OR2L13: variants seen among roughly 807,000 people sequenced by gnomAD.
The protein encoded by OR2L13 is olfactory receptor family 2 subfamily L member 13, also known as olfactory receptor 2L13.
OR2L13 carries 14 observed loss-of-function variants against 15.3 expected under a neutral mutation model. The observed-to-expected ratio is 0.91, with a 90% CI of 0.60 to 1.43. The LOEUF is 1.43. Among genes scored for constraint, OR2L13 ranks in the 40% most tolerant of loss-of-function variants. OR2L13 has a pLI of 0.00. For missense variants in OR2L13, 367 were observed against 387.9 expected, an observed-to-expected ratio of 0.95 and a Z score of 0.45; for synonymous variants, 152 against 142.9, an observed-to-expected ratio of 1.06 and a Z score of -0.45.
the OR2L13 span, among the ~76,000 whole-genome samples, chr1:248,025,898 A>G: frequency 1.3e-5 from 2 of 149,978 alleles, no homozygotes; most frequent in Middle Eastern, 3.2e-3. Flanking sequence ...GAATTGAACA[A>G]TGAGAACACA....
the OR2L13 span, among the ~76,000 whole-genome samples, chr1:248,028,173 T>A: frequency 8.0e-6 from 1 of 125,418 alleles, no homozygotes; most frequent in African/African-American, 3.3e-5. Context: ...AAAAAAATCA[T>A]GTCCAAGTCT....
At chr1:248,083,918 C>T in the OR2L13 span, 1 of 1,611,482 alleles carries the variant, frequency 6.2e-7, no homozygotes. Context: ...CTGTAGAGCG[C>T]ATGTGCAGAA....
the OR2L13 span, among the ~76,000 whole-genome samples, chr1:248,048,923 CTTTTTT>C: frequency 7.1e-6 from 1 of 141,694 alleles, no homozygotes; most frequent in African/African-American, 2.6e-5. Flanking sequence ...TTCTCTCTCT[CTTTTTT>C]TTTTTTTTGG....
chr1:247,960,522 T>C, the OR2L13 span, among the ~76,000 whole-genome samples: 2 of 152,174 alleles, frequency 1.3e-5, no homozygotes, highest in African/African-American at 4.8e-5. Flanking sequence ...TGTTCAGGTA[T>C]GCCCTGCCCC....
chr1:248,088,989 C>G, the OR2L13 span, among the ~76,000 whole-genome samples: 1 of 152,018 alleles, frequency 6.6e-6, no homozygotes, highest in Non-Finnish European at 1.5e-5. Flanking sequence ...CTGACACTGA[C>G]CGGAGTCTGG....
chr1:248,067,600 G>A, the OR2L13 span, among the ~76,000 whole-genome samples: 1 of 152,224 alleles, frequency 6.6e-6, no homozygotes, highest in East Asian at 1.9e-4. Context: ...ATTTCCATCT[G>A]AGGTACCGGG....
the OR2L13 span, among the ~76,000 whole-genome samples, chr1:247,957,259 A>G: frequency 6.6e-6 from 1 of 152,196 alleles, no homozygotes; most frequent in South Asian, 2.1e-4. Flanking sequence ...TGATTTGCAT[A>G]TGTTGAACCA....
chr1:247,992,060 T>TTCTGCC, the OR2L13 span, among the ~76,000 whole-genome samples: 1 of 149,314 alleles, frequency 6.7e-6, no homozygotes, highest in Non-Finnish European at 1.5e-5. Flanking sequence ...GTGGTTTTTT[T>TTCTGCC]TCTGCCTCTG....
At chr1:248,025,583 G>C in the OR2L13 span, among the ~76,000 whole-genome samples, 1 of 148,658 alleles carries the variant, frequency 6.7e-6, no homozygotes, top group Non-Finnish European at 1.5e-5. Flanking sequence ...ATTTGACCCA[G>C]CCATCCCATT....
chr1:248,027,741 T>C, the OR2L13 span, among the ~76,000 whole-genome samples: 1 of 152,108 alleles, frequency 6.6e-6, no homozygotes, highest in East Asian at 1.9e-4. Flanking sequence ...AAAGTTAACT[T>C]GTCTGAGAAA....
chr1:247,940,728 G>A, the OR2L13 span, among the ~76,000 whole-genome samples: 1 of 51,138 alleles, frequency 2.0e-5, no homozygotes, highest in Admixed American at 2.9e-4. Flanking sequence ...GTGTGCATAC[G>A]TGCGTGTGTG....
the OR2L13 span, among the ~76,000 whole-genome samples, chr1:248,085,525 T>C: frequency 6.8e-6 from 1 of 147,164 alleles, no homozygotes; most frequent in African/African-American, 2.5e-5. Flanking sequence ...TTATAGTAGG[T>C]GTACCACTGC....
the OR2L13 span, among the ~76,000 whole-genome samples, chr1:248,004,543 A>C: frequency 1.3e-5 from 2 of 152,178 alleles, no homozygotes; most frequent in South Asian, 4.1e-4. Context: ...GTTTCTTTCA[A>C]CTTAGGGAAG....
chr1:248,081,741 A>G, the OR2L13 span, among the ~76,000 whole-genome samples: 1 of 152,076 alleles, frequency 6.6e-6, no homozygotes, highest in Admixed American at 6.6e-5. Context: ...GTCATCCTCA[A>G]CTCTTTCAGG....
At chr1:248,092,255 A>C (rs1664613423), upstream of OR2L13, among the ~76,000 whole-genome samples, 1 of 152,180 alleles carries the variant, frequency 6.6e-6, no homozygotes, top group Non-Finnish European at 1.5e-5. Flanking sequence ...CTTCCTGTTT[A>C]AATGCTTTTC....
the OR2L13 span, among the ~76,000 whole-genome samples, chr1:248,044,720 G>A: frequency 9.8e-6 from 1 of 102,320 alleles, no homozygotes; most frequent in East Asian, 3.0e-4. Flanking sequence ...GGAGAATGGC[G>A]TGAACCCGGG....
the OR2L13 span, among the ~76,000 whole-genome samples, chr1:248,071,492 T>C: frequency 6.6e-6 from 1 of 152,128 alleles, no homozygotes; most frequent in Non-Finnish European, 1.5e-5. Flanking sequence ...TAATAAGAGC[T>C]GTCTATGACA....
the OR2L13 span, among the ~76,000 whole-genome samples, chr1:248,055,483 T>C: frequency 6.6e-6 from 1 of 152,110 alleles, no homozygotes; most frequent in Non-Finnish European, 1.5e-5. Flanking sequence ...GGGCTGGGCA[T>C]GGTGACTCAT....
the OR2L13 span, among the ~76,000 whole-genome samples, chr1:247,962,552 C>T: frequency 6.6e-6 from 1 of 152,050 alleles, no homozygotes; most frequent in Admixed American, 6.6e-5. Flanking sequence ...CCCTATTTGC[C>T]CTATAAATTT....
Sources: gnomAD v4.1 joint callset for allele counts (sites outside exome capture counted in the v4.1 genomes callset) on GRCh38, gnomAD v4.1.1 for gene constraint, MANE v1.5 for transcripts, NCBI Gene and HGNC (gene_info 2026-07-23, HGNC 2026-07-21) for gene names.